CREBZF: variants seen among roughly 807,000 people sequenced by gnomAD.
The protein encoded by CREBZF is HCF-binding transcription factor Zhangfei.
In CREBZF, 8 loss-of-function variants were observed where a neutral mutation model predicts 21.1. The observed-to-expected ratio is 0.38, with a 90% CI of 0.22 to 0.68. The LOEUF (loss-of-function observed/expected upper bound fraction) is 0.68. Among genes scored for constraint, CREBZF ranks in the 30% least tolerant of loss-of-function variants. CREBZF has a pLI of 0.51. For synonymous variants in CREBZF, 270 were observed against 223.3 expected (o/e 1.21, Z -1.86); for missense variants, 518 against 484.3 (o/e 1.07, Z -0.65).
At chr11:85,672,725 C>G (rs778242824) in intron 1 of CREBZF, among the ~76,000 whole-genome samples, 5 of 152,184 alleles carry the variant, frequency 3.3e-5, no homozygotes, top group Non-Finnish European at 7.3e-5. Flanking sequence ...CTGTCTTCAC[C>G]TAGAGCAAAT....
chr11:85,670,062 C>A (rs997028950), upstream of CREBZF, among the ~76,000 whole-genome samples: 5 of 152,098 alleles, frequency 3.3e-5, no homozygotes, highest in African/African-American at 1.2e-4. Flanking sequence ...CTGTCTCGGC[C>A]TCCCAAAGTG....
At chr11:85,675,014 C>T (rs2082933444) in intron 1 of CREBZF, among the ~76,000 whole-genome samples, 2 of 152,196 alleles carry the variant, frequency 1.3e-5, no homozygotes, top group South Asian at 4.1e-4. Context: ...ACAGCTAGGG[C>T]CTTGCTCTGG....
rs1017454566 is a variant in CREBZF at position 85,661,327 on chromosome 11, A to G, written c.*2484T>C. ...AAAATCACTAAGTCACCAAAACTAG[A>G]AAAAAAAAAATGAAATGGAAACTGA... is the stretch of plus-strand genomic sequence containing the variant. On this transcript the variant is annotated 3_prime_UTR_variant, in exon 1 of 1. Transcript: ENST00000527447. 4.0e-5 allele frequency: 6 copies of G among 149,260 alleles called. No individual in the cohort carries two copies. The highest frequency in any genetic ancestry group is 1.5e-4 in the African/African-American group (6 of 40,778). 9.2% of individuals were successfully genotyped at this position (149,260 alleles called of 1,614,324 possible).
At chr11:85,676,794 C>T (rs1329646956) in intron 1 of CREBZF, among the ~76,000 whole-genome samples, 1 of 132,878 alleles carries the variant, frequency 7.5e-6, no homozygotes, top group Non-Finnish European at 1.6e-5. Flanking sequence ...AAAGCCACCA[C>T]ACTGGGCTAA....
Position 85,662,743 on chromosome 11 carries a change from T to G in CREBZF, c.*1068A>C, listed in dbSNP as rs1489138436. The G allele has an allele frequency of 3.5e-6, 1 of 282,842 alleles. No homozygotes were observed. The highest frequency in any genetic ancestry group is 6.5e-6 in the Non-Finnish European group (1 of 153,186). 17.5% of individuals were successfully genotyped at this position (282,842 alleles called of 1,614,324 possible). On this transcript the variant is annotated 3_prime_UTR_variant, in exon 1 of 1. Transcript: ENST00000527447. ...TTGTGAAGCCTCACTTTACACGTTT[T>G]CATTCACATTTCACAACCTTCAATA...
rs181169905 is a variant in CREBZF at position 85,658,690 on chromosome 11, C to T, written c.*5121G>A. Among the ~76,000 whole-genome samples, 1 of 148,768 alleles carries T rather than the reference C, an allele frequency of 6.7e-6. No individual in the cohort carries two copies. Among genetic ancestry groups the T allele is most frequent in the Non-Finnish European group, 1.5e-5 (1 of 67,198 alleles). The stretch of plus-strand genomic sequence containing the variant: ...GGCTCACATTCTATTTAAATTAAGA[C>T]AATATATTTTATAAAGCCCAAATTA... On this transcript the variant is annotated 3_prime_UTR_variant, in exon 1 of 1. Transcript: ENST00000527447.
intron 1 of CREBZF, among the ~76,000 whole-genome samples, chr11:85,671,947 A>G (rs1250304975): frequency 6.6e-6 from 1 of 152,230 alleles, no homozygotes; most frequent in Non-Finnish European, 1.5e-5. Flanking sequence ...CTGTGTGGGC[A>G]TTCTGAACCC....
At chr11:85,681,644 T>C (rs1323183724) in intron 1 of CREBZF, among the ~76,000 whole-genome samples, 1 of 152,222 alleles carries the variant, frequency 6.6e-6, no homozygotes, top group Non-Finnish European at 1.5e-5. Flanking sequence ...TGTTCTGCTT[T>C]TGTTTGAGAG....
intron 1 of CREBZF, among the ~76,000 whole-genome samples, chr11:85,679,502 C>A (rs927703532): frequency 6.6e-6 from 1 of 152,170 alleles, no homozygotes; most frequent in African/African-American, 2.4e-5. Flanking sequence ...ATCAGAATGG[C>A]TGATCTACCT....
intron 1 of CREBZF, among the ~76,000 whole-genome samples, chr11:85,676,092 G>A (rs2082940434): frequency 6.6e-6 from 1 of 152,170 alleles, no homozygotes; most frequent in Admixed American, 6.5e-5. Flanking sequence ...ACCATCATTT[G>A]TAACCAACTG....
chr11:85,666,572 A>C (rs1198066742), upstream of CREBZF, among the ~76,000 whole-genome samples: 1 of 152,228 alleles, frequency 6.6e-6, no homozygotes, highest in Non-Finnish European at 1.5e-5. Flanking sequence ...AAACTTCTCT[A>C]TAGGATACTG....
Position 85,660,991 on chromosome 11 carries a change from T to G in CREBZF, c.*2820A>C, listed in dbSNP as rs1386322929. The G allele has an allele frequency of 6.4e-6, 1 of 155,248 alleles. No individual in the cohort carries two copies. The highest frequency in any genetic ancestry group is 1.4e-5 in the Non-Finnish European group (1 of 70,050). 9.6% of individuals were successfully genotyped at this position (155,248 alleles called of 1,614,324 possible). A position where few individuals can be genotyped will look rare whatever the true frequency, so the allele number is the denominator to read the frequency against. ...CTAGAAATTTCAAAAACAATCCATTTTATATTCCAGAAATCTCCTTTATCC... is the reference window on the plus strand; with the variant it reads ...CTAGAAATTTCAAAAACAATCCATTGTATATTCCAGAAATCTCCTTTATCC... On this transcript the variant is annotated 3_prime_UTR_variant, in exon 1 of 1. Transcript: ENST00000527447.
Position 85,664,252 on chromosome 11 carries a change from CTT to C in CREBZF, c.622_623del (p.Lys208GlufsTer13), listed in dbSNP as rs1274428454. ...SGNDNNQAAT[K>X]SPRKAAAAAA... is the part of the protein sequence containing the mutation. The stretch of plus-strand genomic sequence containing the variant: ...CGGCCGCCGCCGCCTTCCGGGGACT[CTT>C]TGTCGCCGCCTGGTTGTTGTCGTTA... On this transcript the variant is annotated frameshift_variant, in exon 1 of 1. Transcript: ENST00000527447. LOFTEE classifies it high-confidence loss of function. This position sits in a 1 kb window ranked among gnomAD's most constrained non-coding sequence, Gnocchi z 5.5. 1.2e-6 allele frequency: 2 copies of C among 1,612,804 alleles called. No individual in the cohort carries two copies. The highest frequency in any genetic ancestry group is 1.7e-5 in the Admixed American group (1 of 60,004).
exon 1 of CREBZF, chr11:85,682,863 T>C (rs1180316053): frequency 7.1e-6 from 5 of 702,086 alleles, no homozygotes; most frequent in Non-Finnish European, 1.3e-5. Context: ...GTACAGGTTG[T>C]GGGAGGGAGG....
intron 1 of CREBZF, among the ~76,000 whole-genome samples, chr11:85,674,881 C>T (rs1201616015): frequency 6.6e-6 from 1 of 152,190 alleles, no homozygotes; most frequent in African/African-American, 2.4e-5. Flanking sequence ...AATTCCAAAT[C>T]ATTTCTTCTC....
chr11:85,664,948 C>T lies in CREBZF; in HGVS notation c.-73G>A. On this transcript the variant is annotated 5_prime_UTR_variant, in exon 1 of 1. Transcript: ENST00000527447. The surrounding 1 kb of genome is among the most constrained non-coding windows in gnomAD (Gnocchi z 5.5). The stretch of plus-strand genomic sequence containing the variant: ...CTCACGGGCCCCAAGGATCCCAGGC[C>T]CCAGGGCGGGTAGCCCCCGGCACTG... 1 of 1,152,686 alleles carries T rather than the reference C, an allele frequency of 8.7e-7. No individual in the cohort carries two copies. The highest frequency in any genetic ancestry group is 1.6e-5 in the African/African-American group (1 of 61,258). 71.4% of individuals were successfully genotyped at this position (1,152,686 alleles called of 1,614,324 possible). A position where few individuals can be genotyped will look rare whatever the true frequency, so the allele number is the denominator to read the frequency against.
rs759738073 is a variant in CREBZF, at chr11:85,664,492, C to T, written c.384G>A (p.Gly128=). The T allele has an allele frequency of 9.3e-6, 15 of 1,613,444 alleles. No individual in the cohort carries two copies. Among genetic ancestry groups the T allele is most frequent in the African/African-American group, 6.7e-5 (5 of 74,924 alleles). The change falls in exon 1 of 1, where the codon GGG becomes GGA. Residue 128 remains glycine (G), a synonymous_variant. Coordinates refer to ENST00000527447, the MANE Select transcript of CREBZF (RefSeq NM_001039618.4). The surrounding 1 kb of genome is among the most constrained non-coding windows in gnomAD (Gnocchi z 5.5). ...WHLDPGLSSP[G]PLSSSGGGSD... is the part of the protein sequence containing the mutation. ...AGCCTCCGCCAGACGAGGAGAGAGG[C>T]CCCGGCGAGCTAAGCCCGGGGTCCA...
At position 85,659,827 on chromosome 11, in the gene CREBZF, A is replaced by T. The variant is rs2082624235; in HGVS notation, c.*3984T>A. ...CTAAAGTCCTTATACAACACTAGAT[A>T]AATTTTTATATAAAACAGTAGAAAC... On this transcript the variant is annotated 3_prime_UTR_variant, in exon 1 of 1. Transcript: ENST00000527447. The T allele has an allele frequency of 6.6e-6, 1 of 152,108 alleles. No individual in the cohort carries two copies. Among genetic ancestry groups the T allele is most frequent in the Non-Finnish European group, 1.5e-5 (1 of 67,950 alleles). 9.4% of individuals were successfully genotyped at this position (152,108 alleles called of 1,614,324 possible). A position where few individuals can be genotyped will look rare whatever the true frequency, so the allele number is the denominator to read the frequency against.
rs200677728 is a variant in CREBZF at position 85,663,031 on chromosome 11, T to TAA, written c.*779_*780insTT. Reference sequence around the variant, plus strand: ...ACTGAAAACTAAAAGGCATTGTTGATATTTAAGAGATACCTGTCACCTCCA... The same window carrying TAA: ...ACTGAAAACTAAAAGGCATTGTTGATAAATTTAAGAGATACCTGTCACCTCCA... On this transcript the variant is annotated 3_prime_UTR_variant, in exon 1 of 1. Coordinates refer to ENST00000527447, the MANE Select transcript of CREBZF (RefSeq NM_001039618.4). 5.8e-4 allele frequency: 95 copies of TAA among 164,044 alleles called. 1 individual carries two copies. In the East Asian group the frequency reaches 0.016, roughly 28 times the overall value. 10.2% of individuals were successfully genotyped at this position (164,044 alleles called of 1,614,324 possible).
Sources: allele counts gnomAD v4.1 joint callset (sites outside exome capture counted in the v4.1 genomes callset), GRCh38; gene constraint gnomAD v4.1.1; non-coding constraint Gnocchi (gnomAD v3.1); transcripts MANE v1.5; gene names NCBI Gene and HGNC (gene_info 2026-07-23, HGNC 2026-07-21).